VSNL1: variants seen among roughly 807,000 people sequenced by gnomAD.
The protein encoded by VSNL1 is visinin like 1.
VSNL1 carries 6 observed loss-of-function variants against 20.4 expected under a neutral mutation model. The observed-to-expected ratio is 0.29, with a 90% CI of 0.16 to 0.58. The LOEUF is 0.58. VSNL1 is among the 20% of genes least tolerant of loss of function. The probability of loss-of-function intolerance (pLI) is 0.90; values close to 1 mark genes in which losing one functional copy is unlikely to be tolerated. For missense variants in VSNL1, 100 were observed against 234.5 expected (o/e 0.43, Z 3.75); for synonymous variants, 93 against 86.4 (o/e 1.08, Z -0.42).
intron 2 of VSNL1, among the ~76,000 whole-genome samples, chr2:17,631,979 C>T (rs1280597505): frequency 3.3e-5 from 5 of 152,162 alleles, no homozygotes; most frequent in Admixed American, 2.0e-4. Context: ...CTCCGCCTCC[C>T]GGGTTCAAGT....
Position 17,656,462 on chromosome 2 carries a change from T to C in VSNL1, c.*1068T>C, listed in dbSNP as rs1666235667. ...TGACTTTGGTGCTAACAACGTATGT[T>C]CAGTGCAACTACGTGGAGCTGTGCA... is the stretch of plus-strand genomic sequence containing the variant. On this transcript the variant is annotated 3_prime_UTR_variant, in exon 4 of 4. Coordinates refer to ENST00000295156, the MANE Select transcript of VSNL1 (RefSeq NM_003385.5). 3 of 152,368 alleles carry C rather than the reference T, an allele frequency of 2.0e-5. No individual in the cohort carries two copies. The highest frequency in any genetic ancestry group is 2.0e-4 in the Admixed American group (3 of 15,310). The allele number at this position is 152,368 out of a possible 1,614,324, so 9.4% of individuals were successfully genotyped here. A position where few individuals can be genotyped will look rare whatever the true frequency, so the allele number is the denominator to read the frequency against.
chr2:17,644,590 G>A (rs1300663236), intron 2 of VSNL1, among the ~76,000 whole-genome samples: 1 of 152,240 alleles, frequency 6.6e-6, no homozygotes, highest in African/African-American at 2.4e-5. Context: ...CTTTGACTCA[G>A]ATGGCACTGA....
intron 1 of VSNL1, among the ~76,000 whole-genome samples, chr2:17,570,649 C>T (rs1664058304): frequency 6.6e-6 from 1 of 152,106 alleles, no homozygotes; most frequent in Admixed American, 6.5e-5. Flanking sequence ...GGTTTATTAC[C>T]TACATTATTT....
chr2:17,614,388 C>T (rs1398943977), intron 2 of VSNL1, among the ~76,000 whole-genome samples: 4 of 152,268 alleles, frequency 2.6e-5, no homozygotes, highest in African/African-American at 9.6e-5. Context: ...GTGCATCTGA[C>T]AGCATCATTA....
At chr2:17,580,327 T>C (rs969328617) in intron 1 of VSNL1, among the ~76,000 whole-genome samples, 1 of 152,176 alleles carries the variant, frequency 6.6e-6, no homozygotes, top group Admixed American at 6.5e-5. Flanking sequence ...CTGGTCAACC[T>C]TATCTGCTGC....
chr2:17,633,873 C>G (rs1259062582), intron 2 of VSNL1, among the ~76,000 whole-genome samples: 1 of 152,102 alleles, frequency 6.6e-6, no homozygotes, highest in African/African-American at 2.4e-5. Context: ...CAGAGAAGTG[C>G]CCCTTGAGCT....
At position 17,655,380 on chromosome 2, in the gene VSNL1, G is replaced by A. The variant is rs1274263114; in HGVS notation, c.562G>A (p.Asp188Asn). The change falls in exon 4 of 4, where the codon GAC (aspartate) becomes AAC (asparagine). Residue 188 changes from aspartate to asparagine, a missense_variant. By Grantham distance (23) the Asp-to-Asn change is conservative. Coordinates refer to ENST00000295156, the MANE Select transcript of VSNL1 (RefSeq NM_003385.5). The surrounding 1 kb of genome is among the most constrained non-coding windows in gnomAD (Gnocchi z 5.2). The stretch of plus-strand genomic sequence containing the variant: ...TTCCATTGTATTACTTCTGCAGTGC[G>A]ACATCCAGAAATGAGCTGATGTCAA... ...DPSIVLLLQC[D>N]IQK The A allele has an allele frequency of 9.3e-6, 15 of 1,612,670 alleles. No homozygotes were observed. Among genetic ancestry groups the A allele is most frequent in the Non-Finnish European group, 1.1e-5 (13 of 1,179,792 alleles).
intron 2 of VSNL1, among the ~76,000 whole-genome samples, chr2:17,645,944 T>TG (rs1558311193): frequency 6.6e-6 from 1 of 152,176 alleles, no homozygotes; most frequent in African/African-American, 2.4e-5. Context: ...TATATTAGGA[T>TG]GGGGGGAAAG....
At chr2:17,609,900 T>C (rs1016683341) in intron 2 of VSNL1, among the ~76,000 whole-genome samples, 26 of 152,210 alleles carry the variant, frequency 1.7e-4, no homozygotes, top group African/African-American at 6.3e-4. Flanking sequence ...TCTACCCTTT[T>C]CCTGCACCCA....
intron 1 of VSNL1, among the ~76,000 whole-genome samples, chr2:17,579,207 C>A (rs1396382682): frequency 6.6e-6 from 1 of 152,106 alleles, no homozygotes; most frequent in Non-Finnish European, 1.5e-5. Context: ...GCTCCGCCTC[C>A]CGGGTTCATG....
chr2:17,644,223 T>G (rs1284140996), intron 2 of VSNL1, among the ~76,000 whole-genome samples: 2 of 152,136 alleles, frequency 1.3e-5, no homozygotes, highest in Non-Finnish European at 2.9e-5. Context: ...CTCAAAGGCA[T>G]ATGGTCAGCA....
intron 2 of VSNL1, among the ~76,000 whole-genome samples, chr2:17,623,216 TA>T (rs377348212): frequency 2.0e-5 from 3 of 152,334 alleles, no homozygotes; most frequent in African/African-American, 7.2e-5. Flanking sequence ...AAAATCATTC[TA>T]AAGTCCACTT....
intron 1 of VSNL1, among the ~76,000 whole-genome samples, chr2:17,576,375 G>GTGTCTGTATTTA (rs1185741856): frequency 6.6e-6 from 1 of 152,148 alleles, no homozygotes; most frequent in African/African-American, 2.4e-5. Flanking sequence ...CAATAAATAT[G>GTGTCTGTATTTA]TGTCTGTATG....
intron 2 of VSNL1, among the ~76,000 whole-genome samples, chr2:17,609,991 TGC>T (rs1665046896): frequency 6.6e-6 from 1 of 152,226 alleles, no homozygotes; most frequent in Admixed American, 6.5e-5. Context: ...TTTTGTTTCT[TGC>T]TGTGTGTCAG....
chr2:17,594,131 C>G (rs1354232078), intron 2 of VSNL1, among the ~76,000 whole-genome samples: 2 of 152,204 alleles, frequency 1.3e-5, no homozygotes, highest in Non-Finnish European at 2.9e-5. Context: ...GCACCAGCCT[C>G]AAGGTGAGGG....
At chr2:17,542,568 G>C (rs1663310125) in intron 1 of VSNL1, among the ~76,000 whole-genome samples, 1 of 152,128 alleles carries the variant, frequency 6.6e-6, no homozygotes, top group South Asian at 2.1e-4. Flanking sequence ...AATTCGAGAA[G>C]AACCTCTCAT....
At chr2:17,651,822 C>T (rs1274895583) in intron 3 of VSNL1, among the ~76,000 whole-genome samples, 1 of 152,186 alleles carries the variant, frequency 6.6e-6, no homozygotes, top group Non-Finnish European at 1.5e-5. Context: ...TGCTTCGTGA[C>T]ACGTGTAATA....
At chr2:17,541,371 G>A (rs1352802646) in intron 1 of VSNL1, 1 of 152,234 alleles carries the variant, frequency 6.6e-6, no homozygotes, top group Non-Finnish European at 1.5e-5. Flanking sequence ...AAAACTGAGT[G>A]GATGAGATTG....
intron 2 of VSNL1, among the ~76,000 whole-genome samples, chr2:17,633,524 G>GA (rs1181223020): frequency 1.1e-3 from 154 of 139,520 alleles, no homozygotes; most frequent in African/African-American, 2.2e-3. Flanking sequence ...GTCTCAGAAA[G>GA]AAAAAAAAAA....
Sources: gnomAD v4.1 joint callset for allele counts (sites outside exome capture counted in the v4.1 genomes callset) on GRCh38, gnomAD v4.1.1 for gene constraint, Gnocchi (gnomAD v3.1) non-coding constraint, MANE v1.5 for transcripts, NCBI Gene and HGNC (gene_info 2026-07-23, HGNC 2026-07-21) for gene names.